Variants in PXYLP1 observed in about 807,000 individuals in gnomAD.
PXYLP1 encodes acid phosphatase-like 2.
Under a neutral mutation model 37.9 loss-of-function variants are expected in PXYLP1, and 17 were observed. The observed-to-expected ratio is 0.45, with a 90% CI of 0.31 to 0.67. The LOEUF (loss-of-function observed/expected upper bound fraction) is 0.67. PXYLP1 is among the 30% of genes least tolerant of loss of function. The pLI, the probability that PXYLP1 is intolerant of heterozygous loss-of-function variation, is 0.07. For synonymous variants in PXYLP1, 221 were observed against 232.2 expected (o/e 0.95, Z 0.44); for missense variants, 511 against 612.0 (o/e 0.84, Z 1.74).
chr3:141,280,675 T>C (rs1469484399), intron 4 of PXYLP1, among the ~76,000 whole-genome samples: 1 of 152,220 alleles, frequency 6.6e-6, no homozygotes, highest in East Asian at 1.9e-4. Flanking sequence ...GGGGACCCTC[T>C]CTAGGCTGCT....
chr3:141,253,191 G>A (rs1489655654), intron 1 of PXYLP1, among the ~76,000 whole-genome samples: 2 of 152,122 alleles, frequency 1.3e-5, no homozygotes, highest in Non-Finnish European at 2.9e-5. Flanking sequence ...GTGTTTTCTG[G>A]TCCCACTGAT....
At chr3:141,291,914 C>T (rs1375709713) in intron 5 of PXYLP1, among the ~76,000 whole-genome samples, 2 of 152,226 alleles carry the variant, frequency 1.3e-5, no homozygotes, top group East Asian at 3.8e-4. Flanking sequence ...TCCTTAGGCC[C>T]ATGCAATTAC....
In PXYLP1 at chr3:141,287,330, A is replaced by C. The variant is rs1247816096; in HGVS notation, c.382A>C (p.Lys128Gln). Residue 128 changes from lysine (K) to glutamine (Q), a missense_variant, in exon 5 of 6, where the codon AAA (lysine) becomes CAA (glutamine). Lys to Gln is a moderately conservative substitution (Grantham distance 53, BLOSUM62 1). Coordinates refer to ENST00000286353, the MANE Select transcript of PXYLP1 (RefSeq NM_001037172.3). The stretch of plus-strand genomic sequence containing the variant: ...TCTCTCTAGGAAACCGTATCACCCA[A>C]AACTGGAAGCTTTCATTAGTCACAT... ...LVANRKPYHP[K>Q]LEAFISHMSK... The C allele has an allele frequency of 2.5e-6, 4 of 1,614,104 alleles. No homozygotes were observed. The highest frequency in any genetic ancestry group is 3.4e-6 in the Non-Finnish European group (4 of 1,180,002).
At chr3:141,243,514 C>G (rs950092200) in intron 1 of PXYLP1, among the ~76,000 whole-genome samples, 1 of 152,228 alleles carries the variant, frequency 6.6e-6, no homozygotes, top group African/African-American at 2.4e-5. Context: ...TGCAGCCTGC[C>G]TCTGTACCAT....
intron 4 of PXYLP1, among the ~76,000 whole-genome samples, chr3:141,284,544 A>G (rs1165062407): frequency 6.6e-6 from 1 of 152,166 alleles, no homozygotes; most frequent in Non-Finnish European, 1.5e-5. Context: ...TCATCCATAG[A>G]GGATTGGTTC....
chr3:141,274,950 T>C (rs551859562), intron 2 of PXYLP1, among the ~76,000 whole-genome samples: 2 of 152,274 alleles, frequency 1.3e-5, no homozygotes, highest in South Asian at 4.2e-4. Context: ...TGGGGTGGGA[T>C]GGCTCAGAGC....
intron 4 of PXYLP1, 52 bp downstream of exon 4, chr3:141,279,556 A>G (rs1193256385): frequency 1.2e-6 from 2 of 1,607,122 alleles, no homozygotes; most frequent in Non-Finnish European, 1.7e-6. Flanking sequence ...TATATCCTGT[A>G]GGATAGAGAA....
Position 141,293,231 on chromosome 3 carries a change from A to G in PXYLP1, c.*26A>G. 1 of 1,589,956 alleles carries G rather than the reference A, an allele frequency of 6.3e-7. No individual in the cohort carries two copies. Among genetic ancestry groups the G allele is most frequent in the Non-Finnish European group, 8.6e-7 (1 of 1,165,952 alleles). On this transcript the variant is annotated 3_prime_UTR_variant, in exon 6 of 6. Transcript: ENST00000286353. The stretch of plus-strand genomic sequence containing the variant: ...AAGGTATGCAGTACAGCAGTATAGA[A>G]TCCATGCCAATACAGAGCATAGGGA...
chr3:141,279,623 G>T, intron 4 of PXYLP1, 119 bp downstream of exon 4: 3 of 1,269,872 alleles, frequency 2.4e-6, no homozygotes, highest in South Asian at 2.8e-5. Context: ...GCTCAGAGCA[G>T]TCCTACATGT....
chr3:141,267,068 A>G (rs1424376215), intron 2 of PXYLP1, among the ~76,000 whole-genome samples: 1 of 152,108 alleles, frequency 6.6e-6, no homozygotes, highest in East Asian at 1.9e-4. Flanking sequence ...TGAGATCTGT[A>G]GTATATGGTG....
At chr3:141,258,046 G>T (rs1228415721) in intron 1 of PXYLP1, among the ~76,000 whole-genome samples, 1 of 152,136 alleles carries the variant, frequency 6.6e-6, no homozygotes, top group Non-Finnish European at 1.5e-5. Flanking sequence ...TAAGAGCATG[G>T]AAGCAGGAAG....
chr3:141,246,717 C>T (rs1029745367), intron 1 of PXYLP1, among the ~76,000 whole-genome samples: 2 of 152,182 alleles, frequency 1.3e-5, no homozygotes, highest in African/African-American at 4.8e-5. Flanking sequence ...GTATAGGGAG[C>T]AAGACTGACA....
intron 2 of PXYLP1, among the ~76,000 whole-genome samples, chr3:141,269,536 G>C (rs1941610648): frequency 6.6e-6 from 1 of 152,106 alleles, no homozygotes; most frequent in Non-Finnish European, 1.5e-5. Context: ...TTGAAAACCT[G>C]TTTCCAGGTA....
At chr3:141,275,157 A>G (rs952936427) in intron 2 of PXYLP1, among the ~76,000 whole-genome samples, 15 of 152,234 alleles carry the variant, frequency 9.9e-5, no homozygotes, top group African/African-American at 3.6e-4. Context: ...ACTAGTAGAC[A>G]CAGTTGACAG....
At chr3:141,260,560 GA>G (rs748965007) in intron 2 of PXYLP1, among the ~76,000 whole-genome samples, 4 of 152,218 alleles carry the variant, frequency 2.6e-5, no homozygotes, top group Admixed American at 1.3e-4. Context: ...ACACAGAGCA[GA>G]GGTGTTTAGC....
intron 1 of PXYLP1, among the ~76,000 whole-genome samples, chr3:141,241,357 C>A (rs1342561774): frequency 2.8e-5 from 4 of 142,180 alleles, no homozygotes; most frequent in Non-Finnish European, 6.2e-5. Context: ...GCACCTGCTG[C>A]TTGCTCTGCT....
chr3:141,293,329 T>C lies in PXYLP1; in HGVS notation c.*124T>C. 4 of 1,032,712 alleles carry C rather than the reference T, an allele frequency of 3.9e-6. No homozygotes were observed. In the South Asian group the frequency reaches 6.8e-5, roughly 17 times the overall value. 64.0% of individuals were successfully genotyped at this position (1,032,712 alleles called of 1,614,324 possible). A position where few individuals can be genotyped will look rare whatever the true frequency, so the allele number is the denominator to read the frequency against. ...CTTTTTAAAGGCTAAATATTGTTTG[T>C]GGGAACCACAGATGGTTGGGGTTGA... On this transcript the variant is annotated 3_prime_UTR_variant, in exon 6 of 6. Coordinates refer to ENST00000286353, the MANE Select transcript of PXYLP1 (RefSeq NM_001037172.3).
intron 1 of PXYLP1, among the ~76,000 whole-genome samples, chr3:141,234,039 A>G (rs991956881): frequency 1.3e-5 from 2 of 151,984 alleles, no homozygotes; most frequent in Non-Finnish European, 2.9e-5. Flanking sequence ...ACATAGGGGT[A>G]CTCAGTGTTT....
chr3:141,237,847 G>A (rs1432552579), intron 1 of PXYLP1, among the ~76,000 whole-genome samples: 2 of 152,190 alleles, frequency 1.3e-5, no homozygotes, highest in Non-Finnish European at 2.9e-5. Flanking sequence ...GCTGACCATG[G>A]GGTGGTGACC....
Sources: gnomAD v4.1 joint callset for allele counts (sites outside exome capture counted in the v4.1 genomes callset) on GRCh38, gnomAD v4.1.1 for gene constraint, MANE v1.5 for transcripts, NCBI Gene and HGNC (gene_info 2026-07-23, HGNC 2026-07-21) for gene names.